EHMT1: variants seen among roughly 807,000 people sequenced by gnomAD.
EHMT1 encodes the protein euchromatic histone lysine methyltransferase 1, also known as histone-lysine N-methyltransferase EHMT1.
Under a neutral mutation model 147.2 loss-of-function variants are expected in EHMT1, and 15 were observed. The ratio of observed to expected loss-of-function variants is 0.10; its 90% confidence interval spans 0.07 to 0.16. EHMT1 has a LOEUF of 0.16. Ranked by LOEUF, EHMT1 falls within the 10% of genes least tolerant of loss-of-function variation. EHMT1 has a pLI of 1.00. For missense variants in EHMT1, 1,587 were observed against 1,772.4 expected (o/e 0.90, Z 1.88); for synonymous variants, 795 against 709.6 (o/e 1.12, Z -1.91).
intron 1 of EHMT1, among the ~76,000 whole-genome samples, chr9:137,651,983 G>A (rs546327137): frequency 6.6e-6 from 1 of 152,220 alleles, no homozygotes; most frequent in South Asian, 2.1e-4. Flanking sequence ...AAACTCCTAT[G>A]TTACTGGTGT....
At chr9:137,792,837 A>T (rs1952627113) in intron 16 of EHMT1, among the ~76,000 whole-genome samples, 1 of 152,250 alleles carries the variant, frequency 6.6e-6, no homozygotes, top group Non-Finnish European at 1.5e-5. Flanking sequence ...TATGATACAA[A>T]AGCATGATCA....
At chr9:137,671,071 CTG>C (rs1350509209) in intron 1 of EHMT1, among the ~76,000 whole-genome samples, 1 of 152,226 alleles carries the variant, frequency 6.6e-6, no homozygotes, top group African/African-American at 2.4e-5. Flanking sequence ...TGTCAGAACT[CTG>C]AACCCTTCCA....
chr9:137,657,690 G>A (rs2134031190), intron 1 of EHMT1, among the ~76,000 whole-genome samples: 1 of 152,068 alleles, frequency 6.6e-6, no homozygotes, highest in East Asian at 1.9e-4. Flanking sequence ...TACTCTTGTA[G>A]TTATTTTAAG....
At chr9:137,691,297 GT>G (rs1240372930) in intron 1 of EHMT1, among the ~76,000 whole-genome samples, 64 of 147,548 alleles carry the variant, frequency 4.3e-4, no homozygotes, top group Non-Finnish European at 2.4e-4. Context: ...AGGCTGAATA[GT>G]ATATATGTAA....
In EHMT1 at chr9:137,813,244, G is replaced by A. The variant is rs948940631; in HGVS notation, c.3035+71G>A. 1 of 1,579,982 alleles carries A rather than the reference G, an allele frequency of 6.3e-7. No homozygotes were observed. The highest frequency in any genetic ancestry group is 1.8e-5 in the Admixed American group (1 of 55,884). On this transcript the variant is annotated intron_variant, in intron 20 of 26. Coordinates refer to ENST00000460843, the MANE Select transcript of EHMT1 (RefSeq NM_024757.5). The surrounding 1 kb of genome is among the most constrained non-coding windows in gnomAD (Gnocchi z 4.9). ...AGGGCTTTGGGAACTTGCGGTGAAAGCTGCTCCTGAAGCCGAAACATCCCC... is the reference window on the plus strand; with the variant it reads ...AGGGCTTTGGGAACTTGCGGTGAAAACTGCTCCTGAAGCCGAAACATCCCC...
chr9:137,762,434 A>C (rs1949899136), intron 9 of EHMT1, among the ~76,000 whole-genome samples: 2 of 152,172 alleles, frequency 1.3e-5, no homozygotes, highest in Admixed American at 1.3e-4. Flanking sequence ...ACACAGGTTA[A>C]TAGGTGCCTC....
intron 18 of EHMT1, among the ~76,000 whole-genome samples, chr9:137,806,394 C>G (rs1953950599): frequency 6.6e-6 from 1 of 152,078 alleles, no homozygotes; most frequent in Non-Finnish European, 1.5e-5. Flanking sequence ...GCCTCACTCC[C>G]TTTACCTTTT....
intron 18 of EHMT1, chr9:137,803,100 T>G: frequency 6.5e-6 from 8 of 1,229,702 alleles, no homozygotes; most frequent in Non-Finnish European, 8.1e-6. Flanking sequence ...CTGGGCAGTT[T>G]GCAGCCTGTC....
At chr9:137,815,369 C>T (rs938171008) in intron 22 of EHMT1, 26 of 183,070 alleles carry the variant, frequency 1.4e-4, no homozygotes, top group East Asian at 7.8e-4. Context: ...TTCTGAGGAG[C>T]GCCCTAATTG....
At chr9:137,735,917 G>A (rs1197555020) in intron 4 of EHMT1, among the ~76,000 whole-genome samples, 1 of 152,116 alleles carries the variant, frequency 6.6e-6, no homozygotes, top group East Asian at 1.9e-4. Flanking sequence ...GCCCTACCAG[G>A]TGTACCTGCT....
chr9:137,796,886 G>C (rs1041392546), intron 16 of EHMT1, among the ~76,000 whole-genome samples: 1 of 151,956 alleles, frequency 6.6e-6, no homozygotes, highest in Non-Finnish European at 1.5e-5. Flanking sequence ...CTGACGGGGC[G>C]GGACATAGAG....
Position 137,776,821 on chromosome 9 carries a change from C to T in EHMT1, c.1995C>T (p.Gly665=). 6.2e-7 allele frequency: 1 copy of T among 1,613,956 alleles called. No individual in the cohort carries two copies. Among genetic ancestry groups the T allele is most frequent in the Non-Finnish European group, 8.5e-7 (1 of 1,180,002 alleles). The change falls in exon 12 of 27, where the codon GGC becomes GGT. Residue 665 remains glycine, a synonymous_variant. Coordinates refer to ENST00000460843, the MANE Select transcript of EHMT1 (RefSeq NM_024757.5). This position sits in a 1 kb window ranked among gnomAD's most constrained non-coding sequence, Gnocchi z 4.4. ...AGGAGAAGGGCTCGGCCCTGGAGGG[C>T]AGGGCCGACACCACAACGGGCAGGT... is the stretch of plus-strand genomic sequence containing the variant. The part of the protein sequence containing the change: ...PGQEKGSALE[G]RADTTTGSAA...
chr9:137,619,202 C>G (rs897023929), intron 1 of EHMT1, among the ~76,000 whole-genome samples, 153 bp downstream of exon 1: 15 of 141,340 alleles, frequency 1.1e-4, no homozygotes, highest in African/African-American at 3.6e-4. Flanking sequence ...CTGCCGCCGC[C>G]TCAGGCCGAG....
chr9:137,635,370 C>A (rs1342704429), intron 1 of EHMT1, among the ~76,000 whole-genome samples: 1 of 150,848 alleles, frequency 6.6e-6, no homozygotes, highest in Non-Finnish European at 1.5e-5. Flanking sequence ...CCACGCCCAG[C>A]TAATTTTTTT....
intron 2 of EHMT1, among the ~76,000 whole-genome samples, chr9:137,712,635 T>C (rs1452029656): frequency 6.6e-6 from 1 of 152,242 alleles, no homozygotes; most frequent in Non-Finnish European, 1.5e-5. Flanking sequence ...TTGATTTTTA[T>C]TGTTGAGTTT....
At chr9:137,745,391 A>G in intron 6 of EHMT1, 2 of 396,152 alleles carry the variant, frequency 5.0e-6, no homozygotes, top group Non-Finnish European at 8.9e-6. Flanking sequence ...TTCGTTGGAA[A>G]TATTACCATT....
intron 18 of EHMT1, among the ~76,000 whole-genome samples, chr9:137,803,653 G>GT (rs1296401401): frequency 6.6e-6 from 1 of 152,012 alleles, no homozygotes; most frequent in Non-Finnish European, 1.5e-5. Context: ...GAGTAGAATG[G>GT]TTAGAACATA....
At chr9:137,631,509 G>C (rs2133618741) in intron 1 of EHMT1, among the ~76,000 whole-genome samples, 2 of 152,324 alleles carry the variant, frequency 1.3e-5, no homozygotes, top group South Asian at 4.1e-4. Flanking sequence ...TGATGTTTAT[G>C]AATATACAGT....
chr9:137,646,459 C>A, intron 1 of EHMT1: 2 of 983,950 alleles, frequency 2.0e-6, no homozygotes, highest in Non-Finnish European at 2.4e-6. Context: ...TGAATGGGAG[C>A]CCCGAGGAGT....
Sources: allele counts gnomAD v4.1 joint callset (sites outside exome capture counted in the v4.1 genomes callset), GRCh38; gene constraint gnomAD v4.1.1; non-coding constraint Gnocchi (gnomAD v3.1); transcripts MANE v1.5; gene names NCBI Gene and HGNC (gene_info 2026-07-23, HGNC 2026-07-21).